PCDHA5: variants seen among roughly 807,000 people sequenced by gnomAD.
The protein encoded by PCDHA5 is protocadherin alpha-5.
Under a neutral mutation model 61.6 loss-of-function variants are expected in PCDHA5, and 43 were observed. The observed-to-expected ratio is 0.70, with a 90% CI of 0.55 to 0.90. PCDHA5 has a LOEUF of 0.90. Among genes scored for constraint, PCDHA5 ranks in the 40% least tolerant of loss-of-function variants. The pLI, the probability that PCDHA5 is intolerant of heterozygous loss-of-function variation, is 0.00. For missense variants in PCDHA5, 1,298 were observed against 1,222.7 expected (o/e 1.06, Z -0.92); for synonymous variants, 627 against 543.9 (o/e 1.15, Z -2.13).
At chr5:140,882,210 C>G in intron 1 of PCDHA5, 3 of 1,533,604 alleles carry the variant, frequency 2.0e-6, no homozygotes, top group Admixed American at 2.1e-5. Flanking sequence ...CCTTGAGAGA[C>G]AGTTTGAGGT....
chr5:140,973,549 A>G (rs1040107774), intron 1 of PCDHA5, among the ~76,000 whole-genome samples: 2 of 152,230 alleles, frequency 1.3e-5, no homozygotes, highest in Non-Finnish European at 2.9e-5. Context: ...ATTTATTTCA[A>G]TTACCTCTTT....
intron 3 of PCDHA5, among the ~76,000 whole-genome samples, chr5:140,991,007 G>C (rs2153892777): frequency 6.6e-6 from 1 of 152,280 alleles, no homozygotes; most frequent in South Asian, 2.1e-4. Flanking sequence ...ATTGAGAACT[G>C]TGATAAGCAC....
intron 1 of PCDHA5, among the ~76,000 whole-genome samples, chr5:140,904,904 C>A (rs1463349424): frequency 6.6e-6 from 1 of 151,948 alleles, no homozygotes; most frequent in Non-Finnish European, 1.5e-5. Context: ...GTTTTTCTTA[C>A]TGATTTGTTT....
At chr5:140,848,870 C>T (rs2040645245) in intron 1 of PCDHA5, 1 of 1,590,634 alleles carries the variant, frequency 6.3e-7, no homozygotes, top group African/African-American at 1.4e-5. Flanking sequence ...AGGTGAAGGA[C>T]ATTAACGACA....
At chr5:140,836,194 A>T in intron 1 of PCDHA5, 1 of 1,613,794 alleles carries the variant, frequency 6.2e-7, no homozygotes, top group Non-Finnish European at 8.5e-7. Context: ...TCAGGCTACA[A>T]CGCGTGGCTT....
intron 1 of PCDHA5, chr5:140,843,480 C>T (rs2150360983): frequency 2.5e-6 from 4 of 1,596,022 alleles, no homozygotes; most frequent in East Asian, 2.2e-5. Context: ...CTGTACACTG[C>T]GCTGCGGTGC....
intron 1 of PCDHA5, chr5:140,870,820 G>C (rs1554164732): frequency 1.9e-6 from 3 of 1,613,630 alleles, no homozygotes; most frequent in African/African-American, 1.3e-5. Context: ...TGGCAGCGCG[G>C]GAGGCGCAGT....
chr5:140,845,771 A>C (rs1034344709), intron 1 of PCDHA5, among the ~76,000 whole-genome samples: 1 of 149,762 alleles, frequency 6.7e-6, no homozygotes, highest in African/African-American at 2.4e-5. Flanking sequence ...GTTAATAGTT[A>C]TAAATTATTA....
intron 3 of PCDHA5, among the ~76,000 whole-genome samples, chr5:140,985,672 G>A (rs1195009915): frequency 6.6e-6 from 1 of 151,738 alleles, no homozygotes. Flanking sequence ...AGGAAGTGGG[G>A]CCTGCCTTAC....
rs376607115 is a variant in PCDHA5 at position 141,006,474 on chromosome 5, A to G, written c.2501-3153A>G. Among the ~76,000 whole-genome samples, 193 of 152,188 alleles carry G rather than the reference A, an allele frequency of 1.3e-3. 1 individual carries two copies. The highest frequency in any genetic ancestry group is 4.5e-3 in the African/African-American group (185 of 41,520). ...GAGATCTGCCTGTCTCGGCCTCCCA[A>G]AGTGCTGGGATTACATGTGTGAGCC... On this transcript the variant is annotated intron_variant, in intron 3 of 3. Transcript: ENST00000529859.
intron 1 of PCDHA5, among the ~76,000 whole-genome samples, chr5:140,908,385 G>A (rs1318647483): frequency 6.6e-6 from 1 of 152,222 alleles, no homozygotes. Context: ...GCTCGAGCCC[G>A]ATCACATATA....
chr5:140,906,192 C>G (rs2072444836), intron 1 of PCDHA5, among the ~76,000 whole-genome samples: 1 of 152,182 alleles, frequency 6.6e-6, no homozygotes, highest in Non-Finnish European at 1.5e-5. Context: ...TCAATCCAAT[C>G]AAGTTGACAC....
chr5:140,998,243 C>T (rs1554256209), intron 3 of PCDHA5, among the ~76,000 whole-genome samples: 1 of 152,164 alleles, frequency 6.6e-6, no homozygotes, highest in Non-Finnish European at 1.5e-5. Context: ...CATTATTATA[C>T]TCATTTTACT....
At chr5:141,001,723 A>T (rs936645287) in intron 3 of PCDHA5, among the ~76,000 whole-genome samples, 1 of 152,168 alleles carries the variant, frequency 6.6e-6, no homozygotes, top group Non-Finnish European at 1.5e-5. Flanking sequence ...GGAGCTTGAG[A>T]TATTTTACAA....
chr5:140,862,448 C>A (rs2047370091), intron 1 of PCDHA5: 1 of 362,316 alleles, frequency 2.8e-6, no homozygotes. Flanking sequence ...TACTCCACAG[C>A]GCCCTGGACC....
At chr5:140,873,867 G>A (rs2054538446) in intron 1 of PCDHA5, among the ~76,000 whole-genome samples, 1 of 152,098 alleles carries the variant, frequency 6.6e-6, no homozygotes, top group Non-Finnish European at 1.5e-5. Flanking sequence ...CACCATGTTG[G>A]CCAGGCTGGT....
chr5:140,901,970 G>A (rs1178784932), intron 1 of PCDHA5, among the ~76,000 whole-genome samples: 1 of 151,954 alleles, frequency 6.6e-6, no homozygotes, highest in Non-Finnish European at 1.5e-5. Context: ...TCGTAAATGG[G>A]ATTACTTTTT....
intron 1 of PCDHA5, among the ~76,000 whole-genome samples, chr5:140,975,698 T>C (rs1298498012): frequency 6.6e-6 from 1 of 152,202 alleles, no homozygotes; most frequent in Non-Finnish European, 1.5e-5. Flanking sequence ...TTTAAACTTA[T>C]TTTACTTTAA....
Position 140,934,368 on chromosome 5 carries a change from CCTT to C in PCDHA5, c.2353-44578_2353-44576del, listed in dbSNP as rs1168343483. Among the ~76,000 whole-genome samples, 5 of 152,220 alleles carry C rather than the reference CCTT, an allele frequency of 3.3e-5. No homozygotes were observed. In the South Asian group the frequency reaches 1.0e-3, roughly 32 times the overall value. On this transcript the variant is annotated intron_variant, in intron 1 of 3. Transcript: ENST00000529859. ...ACAGTGTGGAGCCACTGCTTTGACT[CCTT>C]CTGTGGTTCTATGGTGGCCAGCTTT...
Sources: allele counts gnomAD v4.1 joint callset (sites outside exome capture counted in the v4.1 genomes callset), GRCh38; gene constraint gnomAD v4.1.1; transcripts MANE v1.5; gene names NCBI Gene and HGNC (gene_info 2026-07-23, HGNC 2026-07-21).